JAG1: variants seen among roughly 807,000 people sequenced by gnomAD.
The protein encoded by JAG1 is protein jagged-1.
In JAG1, 23 loss-of-function variants were observed where a neutral mutation model predicts 148.7. The ratio of observed to expected loss-of-function variants is 0.15; its 90% CI spans 0.11 to 0.22. JAG1 has a LOEUF of 0.22. Among genes scored for constraint, JAG1 ranks in the 10% least tolerant of loss-of-function variants. JAG1 has a pLI of 1.00. For synonymous variants in JAG1, 572 were observed against 598.3 expected, an observed-to-expected ratio of 0.96 and a Z score of 0.64; for missense variants, 1,054 against 1,611.2, an observed-to-expected ratio of 0.65 and a Z score of 5.92.
chr20:10,668,070 A>C (rs1452902954), intron 2 of JAG1, among the ~76,000 whole-genome samples: 1 of 144,730 alleles, frequency 6.9e-6, no homozygotes, highest in Non-Finnish European at 1.5e-5. Flanking sequence ...CACTGCACCA[A>C]TGGTAGATGT....
intron 2 of JAG1, among the ~76,000 whole-genome samples, chr20:10,672,069 G>A (rs959931814): frequency 6.6e-6 from 1 of 152,148 alleles, no homozygotes; most frequent in African/African-American, 2.4e-5. Flanking sequence ...GGGGCCAGCA[G>A]CGGGCGGGGG....
chr20:10,672,896 G>C lies in JAG1; in HGVS notation c.192C>G (p.Arg64=), dbSNP rs369132773. The C allele has an allele frequency of 6.2e-7, 1 of 1,613,128 alleles. No homozygotes were observed. The highest frequency in any genetic ancestry group is 1.7e-5 in the Admixed American group (1 of 60,008). ...TGTCACACTCGTCGCGGGTGCACTT[G>C]CGGTCTCCCGGGTTCCGGGCGCCGC... ...CCGGARNPGD[R]KCTRDECDTY... is the part of the protein sequence containing the mutation. Residue 64 remains arginine (R), a synonymous_variant, in exon 2 of 26, where the codon CGC becomes CGG. Coordinates refer to ENST00000254958, the MANE Select transcript of JAG1 (RefSeq NM_000214.3).
Position 10,673,614 on chromosome 20 carries a change from CCCCTGCGGCCGCCGCGT to C in JAG1, c.-101_-85del, listed in dbSNP as rs2067514656. ...GCCGCCGGTGCTGCCGTCGCCGCTG[CCCCTGCGGCCGCCGCGT>C]CCCGGCTCTAATATACTCCGCCGAT... On this transcript the variant is annotated 5_prime_UTR_variant, in exon 1 of 26. Coordinates refer to ENST00000254958, the MANE Select transcript of JAG1 (RefSeq NM_000214.3). The surrounding 1 kb of genome is among the most constrained non-coding windows in gnomAD (Gnocchi z 4.7). 2 of 691,044 alleles carry C rather than the reference CCCCTGCGGCCGCCGCGT, an allele frequency of 2.9e-6. No homozygotes were observed. Among genetic ancestry groups the C allele is most frequent in the Non-Finnish European group, 3.9e-6 (2 of 508,248 alleles). 42.8% of individuals were successfully genotyped at this position (691,044 alleles called of 1,614,324 possible). A position where few individuals can be genotyped will look rare whatever the true frequency, so the allele number is the denominator to read the frequency against.
chr20:10,646,503 T>G, intron 14 of JAG1: 1 of 357,320 alleles, frequency 2.8e-6, no homozygotes, highest in Non-Finnish European at 5.4e-6. Flanking sequence ...CTGTTTCTGA[T>G]TAAAACAATT....
chr20:10,652,421 A>G, intron 6 of JAG1, 47 bp downstream of exon 6: 6 of 1,611,758 alleles, frequency 3.7e-6, no homozygotes, highest in Non-Finnish European at 4.2e-6. Flanking sequence ...AATTAGTGCC[A>G]TCCCACCCCC....
In JAG1 at chr20:10,644,998, C is replaced by T. The variant is rs1310424314; in HGVS notation, c.2228-19G>A. On this transcript the variant is annotated intron_variant, in intron 17 of 25. Transcript: ENST00000254958. ...TTTCGGGCTATAAAAGAAGAGCAGA[C>T]ACGACCACCCTCCCTGAGTATCCAG... 3 of 1,587,142 alleles carry T rather than the reference C, an allele frequency of 1.9e-6. No homozygotes were observed.
At chr20:10,653,095 G>A (rs982365539) in intron 5 of JAG1, among the ~76,000 whole-genome samples, 2 of 151,656 alleles carry the variant, frequency 1.3e-5, no homozygotes, top group Non-Finnish European at 2.9e-5. Context: ...TCACGATGAC[G>A]CTTTATTTAA....
At chr20:10,650,586 G>C (rs1264708883) in intron 8 of JAG1, 1 of 538,032 alleles carries the variant, frequency 1.9e-6, no homozygotes, top group Non-Finnish European at 3.4e-6. Context: ...CCTAAGCAGT[G>C]GGGGAGAAAG....
At position 10,645,308 on chromosome 20, in the gene JAG1, CAG is replaced by C; in HGVS notation, c.2113+46_2113+47del. On this transcript the variant is annotated intron_variant, in intron 16 of 25. Transcript: ENST00000254958. This position sits in a 1 kb window ranked among gnomAD's most constrained non-coding sequence, Gnocchi z 6.1. ...CCCAGTGGCCCCCTCCCACAGAAGA[CAG>C]AGGGAAGGGTCCCAGAGATAGCATC... 1 of 1,606,634 alleles carries C rather than the reference CAG, an allele frequency of 6.2e-7. No homozygotes were observed. The highest frequency in any genetic ancestry group is 8.5e-7 in the Non-Finnish European group (1 of 1,173,184).
At position 10,656,445 on chromosome 20, in the gene JAG1, T is replaced by C. The variant is rs2067379739; in HGVS notation, c.708A>G (p.Gln236=). ...GPECNRAICR[Q]GCSPKHGSCK... ...AAGACCCATGCTTAGGACTGCAGCC[T>C]TGTCGGCAAATAGCTGTAAAAAACA... The change falls in exon 5 of 26, where the codon CAA becomes CAG. Residue 236 remains glutamine (Q), a synonymous_variant. Coordinates refer to ENST00000254958, the MANE Select transcript of JAG1 (RefSeq NM_000214.3). The C allele has an allele frequency of 6.2e-7, 1 of 1,614,026 alleles. No homozygotes were observed. The highest frequency in any genetic ancestry group is 8.5e-7 in the Non-Finnish European group (1 of 1,179,914).
In JAG1 at chr20:10,647,968, G is replaced by A. The variant is rs770278916; in HGVS notation, c.1712C>T (p.Pro571Leu). Residue 571 changes from proline to leucine, a missense_variant, in exon 13 of 26, where the codon CCC (proline) becomes CTC (leucine). Pro to Leu is a moderately conservative substitution (Grantham distance 98). Transcript: ENST00000254958. ...SHLKDHCRTT[P>L]CEVIDSCTVA... ...CGGGAGAAGGGAGGTACCTTCACAG[G>A]GGGTCGTGCGGCAGTGGTCTTTCAG... is the stretch of plus-strand genomic sequence containing the variant. The A allele has an allele frequency of 1.2e-6, 2 of 1,614,150 alleles. No homozygotes were observed. Among genetic ancestry groups the A allele is most frequent in the Non-Finnish European group, 1.7e-6 (2 of 1,180,034 alleles).
At position 10,645,999 on chromosome 20, in the gene JAG1, G is replaced by A. The variant is rs368661822; in HGVS notation, c.1971C>T (p.Asp657=). The A allele has an allele frequency of 1.2e-5, 19 of 1,613,432 alleles. No individual in the cohort carries two copies. The highest frequency in any genetic ancestry group is 6.7e-5 in the Admixed American group (4 of 60,020). The change falls in exon 15 of 26, where the codon GAC becomes GAT. Residue 657 remains aspartate, a synonymous_variant. Coordinates refer to ENST00000254958, the MANE Select transcript of JAG1 (RefSeq NM_000214.3). The surrounding 1 kb of genome is among the most constrained non-coding windows in gnomAD (Gnocchi z 6.1). The part of the protein sequence containing the change: ...GVNSYKCICS[D]GWEGAYCETN... Reference sequence around the variant, plus strand: ...TTTCACAGTAGGCCCCCTCCCAGCCGTCACTACAGATGCACTTGTAGGAGT... The same window carrying A: ...TTTCACAGTAGGCCCCCTCCCAGCCATCACTACAGATGCACTTGTAGGAGT...
chr20:10,642,742 A>G (rs972231075), intron 20 of JAG1, 141 bp from the exon 21 acceptor site: 1 of 702,060 alleles, frequency 1.4e-6, no homozygotes, highest in African/African-American at 1.8e-5. Context: ...ATCCAAAAGA[A>G]GAAACAGATC....
At chr20:10,662,134 G>T (rs183287048) in intron 3 of JAG1, 5 of 152,288 alleles carry the variant, frequency 3.3e-5, no homozygotes, top group Admixed American at 1.3e-4. Flanking sequence ...CCCTCTTCAG[G>T]GTTCACCAAG....
At chr20:10,650,590 G>T in intron 8 of JAG1, 1 of 534,340 alleles carries the variant, frequency 1.9e-6, no homozygotes, top group Non-Finnish European at 3.4e-6. Flanking sequence ...AGCAGTGGGG[G>T]AGAAAGACAG....
intron 5 of JAG1, among the ~76,000 whole-genome samples, chr20:10,655,821 G>A (rs1422740963): frequency 1.3e-5 from 2 of 152,118 alleles, no homozygotes; most frequent in East Asian, 3.9e-4. Context: ...TTTGGCTTCC[G>A]CATTGTTCCT....
At chr20:10,662,323 T>C (rs2067422978) in intron 3 of JAG1, 1 of 152,170 alleles carries the variant, frequency 6.6e-6, no homozygotes, top group Non-Finnish European at 1.5e-5. Context: ...GGACAAGCCC[T>C]GGGTTCCCAG....
At chr20:10,668,077 A>G (rs2067467792) in intron 2 of JAG1, among the ~76,000 whole-genome samples, 1 of 138,608 alleles carries the variant, frequency 7.2e-6, no homozygotes, top group African/African-American at 2.8e-5. Context: ...CCAATGGTAG[A>G]TGTCACTGGC....
chr20:10,648,123 G>A lies in JAG1; in HGVS notation c.1570-13C>T. On this transcript the variant is annotated splice_polypyrimidine_tract_variant and intron_variant, in intron 12 of 25. Transcript: ENST00000254958. ...AATCGATGTCCAGCTGCAAATATCA[G>A]GAACAGCGAAAAGGGGGAGGGATCA... 3.1e-6 allele frequency: 5 copies of A among 1,614,168 alleles called. No individual in the cohort carries two copies. The highest frequency in any genetic ancestry group is 2.2e-5 in the East Asian group (1 of 44,886).
Sources: allele counts gnomAD v4.1 joint callset (sites outside exome capture counted in the v4.1 genomes callset), GRCh38; gene constraint gnomAD v4.1.1; non-coding constraint Gnocchi (gnomAD v3.1); transcripts MANE v1.5; gene names NCBI Gene and HGNC (gene_info 2026-07-23, HGNC 2026-07-21).